The following PRKN variants were observed in gnomAD, a reference collection of about 807,000 sequenced individuals.
PRKN encodes the protein E3 ubiquitin-protein ligase parkin.
Under a neutral mutation model 59.5 loss-of-function variants are expected in PRKN, and 56 were observed. The observed-to-expected ratio is 0.94, with a 90% CI of 0.76 to 1.18. The LOEUF is 1.18. Ranked by LOEUF, PRKN falls within the 50% of genes most tolerant of loss-of-function variation. The pLI, the probability that PRKN is intolerant of heterozygous loss-of-function variation, is 0.00. For missense variants in PRKN, 657 were observed against 596.4 expected (o/e 1.10, Z -1.06); for synonymous variants, 250 against 222.1 (o/e 1.13, Z -1.12).
chr6:161,383,825 C>A (rs905284808), intron 10 of PRKN, among the ~76,000 whole-genome samples: 1 of 152,224 alleles, frequency 6.6e-6, no homozygotes, highest in Non-Finnish European at 1.5e-5. Context: ...TTCTCTCTCC[C>A]GAGGGACCCT....
intron 1 of PRKN, among the ~76,000 whole-genome samples, chr6:162,444,305 C>A (rs1790203138): frequency 6.6e-6 from 1 of 152,056 alleles, no homozygotes; most frequent in African/African-American, 2.4e-5. Context: ...TCCAAAAGGC[C>A]CTACATAGTT....
chr6:161,847,958 T>C (rs1299394284), intron 6 of PRKN, among the ~76,000 whole-genome samples: 1 of 152,154 alleles, frequency 6.6e-6, no homozygotes, highest in Non-Finnish European at 1.5e-5. Flanking sequence ...AAGAGAGGAA[T>C]ATGAGGTAGT....
chr6:161,929,751 T>C (rs1779103376), intron 6 of PRKN, among the ~76,000 whole-genome samples: 2 of 152,034 alleles, frequency 1.3e-5, no homozygotes, highest in African/African-American at 4.8e-5. Context: ...TGACCACAAA[T>C]GATCTACCTG....
chr6:161,723,858 G>A (rs181004410), intron 7 of PRKN, among the ~76,000 whole-genome samples: 3 of 152,238 alleles, frequency 2.0e-5, no homozygotes, highest in Non-Finnish European at 4.4e-5. Flanking sequence ...TGGTTCAGCA[G>A]ACCTGTTCTG....
rs796871096 is a variant in PRKN, at chr6:161,447,354, A to G, written c.1084-60477T>C. Among the ~76,000 whole-genome samples the G allele has an allele frequency of 3.9e-4, 60 of 152,308 alleles. 1 individual carries two copies. The highest frequency in any genetic ancestry group is 1.3e-3 in the African/African-American group (56 of 41,568). ...GCAGAATTCCCCAAACCTTTTCAGA[A>G]CTGAACTCATTAGAAATGAATTTAC... On this transcript the variant is annotated intron_variant, in intron 9 of 11. Coordinates refer to ENST00000366898, the MANE Select transcript of PRKN (RefSeq NM_004562.3). This position sits in a 1 kb window ranked among gnomAD's most constrained non-coding sequence, Gnocchi z 4.1.
At chr6:161,961,221 A>G (rs1322142762) in intron 6 of PRKN, among the ~76,000 whole-genome samples, 1 of 152,120 alleles carries the variant, frequency 6.6e-6, no homozygotes, top group Non-Finnish European at 1.5e-5. Flanking sequence ...TCAGAGAAGG[A>G]ATCTAATGTG....
At chr6:162,041,607 G>A (rs563569487) in intron 5 of PRKN, among the ~76,000 whole-genome samples, 7 of 152,208 alleles carry the variant, frequency 4.6e-5, no homozygotes, top group South Asian at 2.1e-4. Context: ...TCCACCTGTC[G>A]TATCTGTGAC....
chr6:162,723,831 A>G (rs1249947979), intron 1 of PRKN, among the ~76,000 whole-genome samples: 1 of 152,248 alleles, frequency 6.6e-6, no homozygotes, highest in African/African-American at 2.4e-5. Flanking sequence ...TAATTAGTGT[A>G]TCCTATAAAA....
At chr6:162,506,984 T>A (rs549526707) in intron 1 of PRKN, among the ~76,000 whole-genome samples, 1 of 152,310 alleles carries the variant, frequency 6.6e-6, no homozygotes, top group African/African-American at 2.4e-5. Flanking sequence ...TGAGCATAGT[T>A]ATTTCAAGTA....
intron 1 of PRKN, among the ~76,000 whole-genome samples, chr6:162,554,077 G>A (rs1779448955): frequency 6.6e-6 from 1 of 152,164 alleles, no homozygotes; most frequent in Admixed American, 6.5e-5. Flanking sequence ...GTAACATCTA[G>A]TTCGACTCTG....
intron 2 of PRKN, among the ~76,000 whole-genome samples, chr6:162,354,223 C>T (rs1393021842): frequency 6.6e-6 from 1 of 151,994 alleles, no homozygotes; most frequent in Non-Finnish European, 1.5e-5. Flanking sequence ...TAAAAGAAAA[C>T]TAAGAGAGTG....
intron 1 of PRKN, among the ~76,000 whole-genome samples, chr6:162,468,132 T>C (rs1461661050): frequency 1.3e-5 from 2 of 152,190 alleles, no homozygotes; most frequent in Non-Finnish European, 2.9e-5. Flanking sequence ...TTTGCCTCTG[T>C]ATATTCACAG....
intron 6 of PRKN, among the ~76,000 whole-genome samples, chr6:161,959,257 T>A (rs767259928): frequency 1.3e-5 from 2 of 152,150 alleles, no homozygotes; most frequent in Non-Finnish European, 2.9e-5. Context: ...AGGGATGGCC[T>A]CTGCTGTCAG....
At position 161,567,037 on chromosome 6, in the gene PRKN, T is replaced by TGTG. The variant is rs1554277339; in HGVS notation, c.933+2317_933+2318insCAC. 6.5e-3 allele frequency among the ~76,000 whole-genome samples: 670 copies of TGTG among 103,792 alleles called. 9 individuals carry two copies. Among genetic ancestry groups the TGTG allele is most frequent in the African/African-American group, 0.021 (541 of 25,378 alleles). The allele number at this position is 103,792 out of a possible 152,430, so 68.1% of individuals were successfully genotyped here. On this transcript the variant is annotated intron_variant, in intron 8 of 11. Coordinates refer to ENST00000366898, the MANE Select transcript of PRKN (RefSeq NM_004562.3). ...CACTGTCCTTGTTTTTTTTTTTTTTTTGTGTGTGTGTGTGTGTGTGTGAGA... is the reference window on the plus strand; with the variant it reads ...CACTGTCCTTGTTTTTTTTTTTTTTTGTGTGTGTGTGTGTGTGTGTGTGTGAGA...
chr6:161,834,064 C>T (rs1330114931), intron 6 of PRKN, among the ~76,000 whole-genome samples: 1 of 152,094 alleles, frequency 6.6e-6, no homozygotes, highest in Non-Finnish European at 1.5e-5. Flanking sequence ...AAGACAGCGG[C>T]ACAGACATCG....
At chr6:162,605,482 T>A (rs1410969011) in intron 1 of PRKN, among the ~76,000 whole-genome samples, 2 of 152,096 alleles carry the variant, frequency 1.3e-5, no homozygotes, top group South Asian at 2.1e-4. Context: ...TAAATTAATT[T>A]AAAACTAAAA....
chr6:162,290,178 G>A (rs191949728), intron 2 of PRKN, among the ~76,000 whole-genome samples: 35 of 152,216 alleles, frequency 2.3e-4, no homozygotes, highest in Non-Finnish European at 4.0e-4. Context: ...TAGGCTGACT[G>A]TCATTCCCTC....
chr6:162,683,227 A>G (rs1233415140), intron 1 of PRKN, among the ~76,000 whole-genome samples: 1 of 152,160 alleles, frequency 6.6e-6, no homozygotes, highest in Non-Finnish European at 1.5e-5. Context: ...ATCACTAACC[A>G]CAGACGGCTA....
intron 1 of PRKN, among the ~76,000 whole-genome samples, chr6:162,537,176 T>C (rs73591868): frequency 0.013 from 1,930 of 152,162 alleles, 47 homozygotes; most frequent in African/African-American, 0.044. Context: ...CCTGGGGAGC[T>C]TTCAAAACTA....
Sources: gnomAD v4.1 joint callset for allele counts (sites outside exome capture counted in the v4.1 genomes callset) on GRCh38, gnomAD v4.1.1 for gene constraint, Gnocchi (gnomAD v3.1) non-coding constraint, MANE v1.5 for transcripts, NCBI Gene and HGNC (gene_info 2026-07-23, HGNC 2026-07-21) for gene names.